Variants in OXSR1 observed in about 807,000 individuals in gnomAD.
The protein encoded by OXSR1 is oxidative stress responsive kinase 1, also known as serine/threonine-protein kinase OSR1.
OXSR1 carries 24 observed loss-of-function variants against 79.8 expected under a neutral mutation model. That is an observed-to-expected ratio of 0.30 (90% CI 0.22 to 0.42). The LOEUF (loss-of-function observed/expected upper bound fraction) is 0.42. OXSR1 is among the 10% of genes least tolerant of loss of function. The pLI, the probability that OXSR1 is intolerant of heterozygous loss-of-function variation, is 1.00. For synonymous variants in OXSR1, 226 were observed against 209.2 expected, an observed-to-expected ratio of 1.08 and a Z score of -0.69; for missense variants, 430 against 618.4, an observed-to-expected ratio of 0.70 and a Z score of 3.23.
At position 38,253,430 on chromosome 3, in the gene OXSR1, A is replaced by C. The variant is rs571596191; in HGVS notation, c.*539A>C. On this transcript the variant is annotated 3_prime_UTR_variant, in exon 18 of 18. Coordinates refer to ENST00000311806, the MANE Select transcript of OXSR1 (RefSeq NM_005109.3). ...TAGGAAAAAGCACAGCCTCAGATGGAGGCAGCCTAAACTGTGTTCTTGTTT... is the reference window on the plus strand; with the variant it reads ...TAGGAAAAAGCACAGCCTCAGATGGCGGCAGCCTAAACTGTGTTCTTGTTT... 117 of 154,342 alleles carry C rather than the reference A, an allele frequency of 7.6e-4. 1 individual carries two copies. The highest frequency in any genetic ancestry group is 5.4e-4 in the Non-Finnish European group (37 of 69,114). The allele number at this position is 154,342 out of a possible 1,614,324, so 9.6% of individuals were successfully genotyped here. A position where few individuals can be genotyped will look rare whatever the true frequency, so the allele number is the denominator to read the frequency against.
chr3:38,250,402 T>G (rs1410461262), intron 15 of OXSR1, among the ~76,000 whole-genome samples: 1 of 152,042 alleles, frequency 6.6e-6, no homozygotes, highest in Non-Finnish European at 1.5e-5. Flanking sequence ...TGGAAAGAGG[T>G]ATAGCTGGAA....
At chr3:38,170,113 T>G (rs1701550068) in intron 1 of OXSR1, among the ~76,000 whole-genome samples, 2 of 152,070 alleles carry the variant, frequency 1.3e-5, no homozygotes, top group South Asian at 2.1e-4. Context: ...GGCATGATCT[T>G]GGCTCACTGC....
intron 3 of OXSR1, among the ~76,000 whole-genome samples, chr3:38,196,468 C>T (rs1416589064): frequency 6.6e-6 from 1 of 152,114 alleles, no homozygotes; most frequent in Non-Finnish European, 1.5e-5. Flanking sequence ...GTCTTAGTGA[C>T]GATTCCTCCA....
intron 6 of OXSR1, among the ~76,000 whole-genome samples, chr3:38,223,516 C>T (rs947932243): frequency 6.6e-6 from 1 of 150,436 alleles, no homozygotes; most frequent in Admixed American, 6.6e-5. Context: ...GATCTCAGTT[C>T]ACCGCAACCT....
rs1187627472 is a variant in OXSR1, at chr3:38,224,554, A to G, written c.703-17A>G. ...CTGAGTCATCACAAGTTTATAGTAT[A>G]TTGAAAATTCTTGCAGGTTTTAATG... On this transcript the variant is annotated splice_polypyrimidine_tract_variant and intron_variant, in intron 7 of 17. Coordinates refer to ENST00000311806, the MANE Select transcript of OXSR1 (RefSeq NM_005109.3). 4 of 1,573,308 alleles carry G rather than the reference A, an allele frequency of 2.5e-6. No homozygotes were observed. The highest frequency in any genetic ancestry group is 8.6e-7 in the Non-Finnish European group (1 of 1,166,104).
chr3:38,213,801 C>G (rs561433365), intron 4 of OXSR1, among the ~76,000 whole-genome samples: 4 of 152,116 alleles, frequency 2.6e-5, no homozygotes, highest in Non-Finnish European at 5.9e-5. Flanking sequence ...TTTCTTGTGA[C>G]TCCTTTGAGA....
chr3:38,219,943 G>A (rs191120646), intron 5 of OXSR1, among the ~76,000 whole-genome samples: 71 of 152,072 alleles, frequency 4.7e-4, no homozygotes, highest in Non-Finnish European at 9.3e-4. Context: ...AAGTAGCTAG[G>A]GCTACAGGTG....
intron 11 of OXSR1, among the ~76,000 whole-genome samples, chr3:38,242,473 G>A (rs776504450): frequency 3.9e-5 from 6 of 152,160 alleles, no homozygotes; most frequent in Non-Finnish European, 5.9e-5. Flanking sequence ...GTCCCATTAT[G>A]TATGCTTATA....
intron 1 of OXSR1, among the ~76,000 whole-genome samples, chr3:38,176,013 T>TAA (rs950723505): frequency 6.6e-6 from 1 of 152,214 alleles, no homozygotes; most frequent in Admixed American, 6.5e-5. Flanking sequence ...ACACTTTGAC[T>TAA]AAACCATTCC....
At chr3:38,190,483 G>T (rs952194251) in intron 2 of OXSR1, among the ~76,000 whole-genome samples, 2 of 152,158 alleles carry the variant, frequency 1.3e-5, no homozygotes, top group African/African-American at 4.8e-5. Context: ...TGTTGTGCCA[G>T]GGTGTGTTAA....
At chr3:38,179,980 T>C (rs1701751682) in intron 1 of OXSR1, among the ~76,000 whole-genome samples, 1 of 152,160 alleles carries the variant, frequency 6.6e-6, no homozygotes, top group Non-Finnish European at 1.5e-5. Context: ...GGCTAATTTT[T>C]GTATTTTTAG....
At chr3:38,177,751 AT>A (rs1294315911) in intron 1 of OXSR1, among the ~76,000 whole-genome samples, 1 of 151,476 alleles carries the variant, frequency 6.6e-6, no homozygotes, top group Non-Finnish European at 1.5e-5. Context: ...TGCCTGGCTA[AT>A]TTTTTTATTT....
At chr3:38,248,324 T>C (rs894278496) in intron 14 of OXSR1, among the ~76,000 whole-genome samples, 1 of 151,864 alleles carries the variant, frequency 6.6e-6, no homozygotes, top group Non-Finnish European at 1.5e-5. Flanking sequence ...CTGTTCATTT[T>C]AACTCCCTGC....
chr3:38,185,099 G>A (rs1701858884), intron 2 of OXSR1, among the ~76,000 whole-genome samples: 1 of 150,150 alleles, frequency 6.7e-6, no homozygotes, highest in Non-Finnish European at 1.5e-5. Flanking sequence ...TCCAGCCTGG[G>A]CAACAGAGTA....
At chr3:38,237,192 C>G (rs891441306) in intron 11 of OXSR1, among the ~76,000 whole-genome samples, 1 of 152,088 alleles carries the variant, frequency 6.6e-6, no homozygotes, top group African/African-American at 2.4e-5. Context: ...GAGACGAAAG[C>G]TGCAAATGTC....
In OXSR1 at chr3:38,254,990, A is replaced by G. The variant is rs1023787936; in HGVS notation, c.*2099A>G. On this transcript the variant is annotated 3_prime_UTR_variant, in exon 18 of 18. Transcript: ENST00000311806. The stretch of plus-strand genomic sequence containing the variant: ...GAAGACAGACACCATGTCCCAGGAC[A>G]GTGTTACTTCTTCTGCATGATGTGT... 6.5e-6 allele frequency: 1 copy of G among 152,676 alleles called. No homozygotes were observed. Among genetic ancestry groups the G allele is most frequent in the Non-Finnish European group, 1.5e-5 (1 of 68,056 alleles). The allele number at this position is 152,676 out of a possible 1,614,324, so 9.5% of individuals were successfully genotyped here.
At chr3:38,233,120 C>T (rs930566211) in intron 10 of OXSR1, among the ~76,000 whole-genome samples, 6 of 152,182 alleles carry the variant, frequency 3.9e-5, no homozygotes, top group Non-Finnish European at 8.8e-5. Context: ...GTTTATTCTG[C>T]AGAAGGGTAA....
chr3:38,236,709 T>C (rs747726702), intron 10 of OXSR1, 130 bp from the exon 11 acceptor site: 7 of 797,338 alleles, frequency 8.8e-6, no homozygotes, highest in Non-Finnish European at 1.3e-5. Flanking sequence ...TGAATTTGTA[T>C]GGGAACATTT....
intron 12 of OXSR1, 100 bp from the exon 13 acceptor site, chr3:38,245,975 C>A: frequency 9.4e-7 from 1 of 1,065,440 alleles, no homozygotes; most frequent in Non-Finnish European, 1.4e-6. Context: ...TACCCAAAAA[C>A]TACTTTGAAA....
Sources: gnomAD v4.1 joint callset for allele counts (sites outside exome capture counted in the v4.1 genomes callset) on GRCh38, gnomAD v4.1.1 for gene constraint, MANE v1.5 for transcripts, NCBI Gene and HGNC (gene_info 2026-07-23, HGNC 2026-07-21) for gene names.